ATL1: variants seen among roughly 807,000 people sequenced by gnomAD.
The protein encoded by ATL1 is atlastin-1.
Under a neutral mutation model 75.5 loss-of-function variants are expected in ATL1, and 31 were observed. That is an observed-to-expected ratio of 0.41 (90% confidence interval 0.31 to 0.55). The LOEUF is 0.55. ATL1 is among the 20% of genes least tolerant of loss of function. The pLI, the probability that ATL1 is intolerant of heterozygous loss-of-function variation, is 0.27. For synonymous variants in ATL1, 226 were observed against 233.3 expected, an observed-to-expected ratio of 0.97 and a Z score of 0.28; for missense variants, 405 against 662.6, an observed-to-expected ratio of 0.61 and a Z score of 4.27.
intron 8 of ATL1, among the ~76,000 whole-genome samples, chr14:50,619,849 G>A (rs1226020733): frequency 6.6e-6 from 1 of 152,122 alleles, no homozygotes; most frequent in Non-Finnish European, 1.5e-5. Flanking sequence ...CGCTATGCAC[G>A]GAGCAATTTT....
At chr14:50,588,128 C>G (rs746934529) in intron 2 of ATL1, 50 bp downstream of exon 2, 2 of 1,610,008 alleles carry the variant, frequency 1.2e-6, no homozygotes, top group South Asian at 2.2e-5. Flanking sequence ...GCTTCTGTCA[C>G]TTCATGTTTT....
chr14:50,625,827 G>A (rs1015444848), intron 11 of ATL1, among the ~76,000 whole-genome samples: 8 of 151,252 alleles, frequency 5.3e-5, no homozygotes, highest in African/African-American at 1.5e-4. Context: ...GGAGAAGGGC[G>A]TGAACCCAAG....
At chr14:50,567,060 C>T (rs2038910923) in intron 1 of ATL1, among the ~76,000 whole-genome samples, 1 of 152,256 alleles carries the variant, frequency 6.6e-6, no homozygotes, top group South Asian at 2.1e-4. Context: ...GTAGCTATCA[C>T]CACTGTCTAT....
intron 1 of ATL1, among the ~76,000 whole-genome samples, chr14:50,585,749 T>C (rs2039095459): frequency 6.6e-6 from 1 of 152,190 alleles, no homozygotes; most frequent in Non-Finnish European, 1.5e-5. Flanking sequence ...CAACTTTATG[T>C]TGTAAATTGT....
At chr14:50,613,227 C>A (rs756460948) in intron 6 of ATL1, 32 bp from the exon 7 acceptor site, 2 of 1,530,648 alleles carry the variant, frequency 1.3e-6, no homozygotes, top group South Asian at 1.1e-5. Flanking sequence ...ACCTTAAAGT[C>A]CTCATATCAA....
intron 1 of ATL1, among the ~76,000 whole-genome samples, chr14:50,554,543 A>G (rs1196780339): frequency 6.6e-6 from 1 of 152,180 alleles, no homozygotes; most frequent in Non-Finnish European, 1.5e-5. Context: ...GTGTACATCC[A>G]CTGCTTGAAT....
chr14:50,566,401 T>C (rs2038904574), intron 1 of ATL1, among the ~76,000 whole-genome samples: 1 of 152,186 alleles, frequency 6.6e-6, no homozygotes, highest in Admixed American at 6.5e-5. Context: ...TAAATATATA[T>C]ATATCCCTAA....
At chr14:50,595,416 T>TA (rs1206777671) in intron 5 of ATL1, among the ~76,000 whole-genome samples, 160 bp from the exon 6 acceptor site, 2 of 152,310 alleles carry the variant, frequency 1.3e-5, no homozygotes, top group South Asian at 4.1e-4. Context: ...GCTTATTTCC[T>TA]AAAAATGATT....
At chr14:50,604,723 T>TA (rs1027970696) in intron 6 of ATL1, among the ~76,000 whole-genome samples, 1 of 152,106 alleles carries the variant, frequency 6.6e-6, no homozygotes, top group African/African-American at 2.4e-5. Flanking sequence ...GAAACACAAT[T>TA]ATGAAATTCT....
At chr14:50,610,225 A>C (rs1161413146) in intron 6 of ATL1, among the ~76,000 whole-genome samples, 1 of 152,124 alleles carries the variant, frequency 6.6e-6, no homozygotes, top group Non-Finnish European at 1.5e-5. Context: ...TCCCTAGGGA[A>C]AACTGATACA....
intron 2 of ATL1, among the ~76,000 whole-genome samples, chr14:50,589,334 A>G (rs760521143): frequency 5.9e-5 from 9 of 151,536 alleles, no homozygotes; most frequent in Admixed American, 6.6e-5. Context: ...AATTTTTTGT[A>G]TTTTTAGTAG....
chr14:50,578,588 T>G (rs2039028208), intron 1 of ATL1, among the ~76,000 whole-genome samples: 1 of 152,070 alleles, frequency 6.6e-6, no homozygotes, highest in Non-Finnish European at 1.5e-5. Flanking sequence ...CCAAACACAC[T>G]CTCCCACACA....
At chr14:50,560,110 C>G, upstream of ATL1, 5 of 818,772 alleles carry the variant, frequency 6.1e-6, no homozygotes, top group South Asian at 1.6e-5. Flanking sequence ...CTTTTCCTCC[C>G]CACTCCTTCC....
chr14:50,614,308 G>T, intron 7 of ATL1, 65 bp from the exon 8 acceptor site: 1 of 1,547,052 alleles, frequency 6.5e-7, no homozygotes, highest in Non-Finnish European at 8.9e-7. Flanking sequence ...AATATAAGAT[G>T]CCACAGAATT....
intron 1 of ATL1, among the ~76,000 whole-genome samples, chr14:50,582,084 C>A (rs373419109): frequency 1.1e-4 from 16 of 152,082 alleles, no homozygotes; most frequent in African/African-American, 3.9e-4. Flanking sequence ...AGTTTGAGAC[C>A]AGCCTGGCCA....
chr14:50,627,006 T>C (rs1487112607), intron 11 of ATL1, among the ~76,000 whole-genome samples: 3 of 152,232 alleles, frequency 2.0e-5, no homozygotes, highest in East Asian at 1.9e-4. Flanking sequence ...GAAGTTCTAC[T>C]ATGAGTAAAA....
exon 1 of ATL1, chr14:50,533,213 C>T (rs1595559820): frequency 6.6e-6 from 1 of 152,240 alleles, no homozygotes; most frequent in East Asian, 1.9e-4. Flanking sequence ...TGTCTCATCG[C>T]TGGTATTGCA....
chr14:50,601,517 T>C (rs530107632), intron 6 of ATL1, among the ~76,000 whole-genome samples: 3 of 152,328 alleles, frequency 2.0e-5, no homozygotes, highest in East Asian at 1.9e-4. Flanking sequence ...ACTTTTACCA[T>C]GGCCAATTTC....
intron 13 of ATL1, chr14:50,631,037 T>A (rs1481441638): frequency 1.4e-5 from 6 of 435,866 alleles, no homozygotes; most frequent in Non-Finnish European, 2.3e-5. Flanking sequence ...GGTGGGCGGA[T>A]CACGTTAGGT....
Sources: allele counts gnomAD v4.1 joint callset (sites outside exome capture counted in the v4.1 genomes callset), GRCh38; gene constraint gnomAD v4.1.1; transcripts MANE v1.5; gene names NCBI Gene and HGNC (gene_info 2026-07-23, HGNC 2026-07-21).